Variants in GLIS3 observed in about 807,000 individuals in gnomAD.
The protein encoded by GLIS3 is GLIS family zinc finger 3.
GLIS3 carries 53 observed loss-of-function variants against 78.6 expected under a neutral mutation model. The ratio of observed to expected loss-of-function variants is 0.67; its 90% confidence interval spans 0.54 to 0.85. The LOEUF is 0.85. Ranked by LOEUF, GLIS3 falls within the 40% of genes least tolerant of loss-of-function variation. The pLI is 0.00. For synonymous variants in GLIS3, 684 were observed against 509.9 expected (o/e 1.34, Z -4.60); for missense variants, 1,703 against 1,231.1 (o/e 1.38, Z -5.74).
chr9:4,236,995 C>A (rs1265308985), intron 2 of GLIS3, among the ~76,000 whole-genome samples: 1 of 152,098 alleles, frequency 6.6e-6, no homozygotes, highest in African/African-American at 2.4e-5. Flanking sequence ...GGGAATCCTT[C>A]ACTCTGTAGC....
intron 2 of GLIS3, among the ~76,000 whole-genome samples, chr9:4,253,600 T>A (rs1824610746): frequency 6.6e-6 from 1 of 152,188 alleles, no homozygotes; most frequent in Non-Finnish European, 1.5e-5. Flanking sequence ...TTCAGCCCCC[T>A]TTCCAGGTGA....
At chr9:4,298,610 G>A (rs1426496173) in intron 1 of GLIS3, 7 of 234,650 alleles carry the variant, frequency 3.0e-5, no homozygotes, top group African/African-American at 4.7e-5. Flanking sequence ...AGGGACTGGA[G>A]CCGCGCGCAG....
At chr9:4,394,704 T>C in the GLIS3 span, among the ~76,000 whole-genome samples, 1 of 152,338 alleles carries the variant, frequency 6.6e-6, no homozygotes, top group Admixed American at 6.5e-5. Flanking sequence ...GAAAACCTAA[T>C]TTTGCACATC....
the GLIS3 span, among the ~76,000 whole-genome samples, chr9:4,388,545 G>A: frequency 5.3e-5 from 8 of 151,970 alleles, no homozygotes; most frequent in African/African-American, 1.2e-4. Flanking sequence ...GCGTGGTGGC[G>A]TGTGCCTGTA....
At chr9:4,210,186 G>A (rs1416382567) in intron 2 of GLIS3, among the ~76,000 whole-genome samples, 1 of 152,158 alleles carries the variant, frequency 6.6e-6, no homozygotes, top group African/African-American at 2.4e-5. Context: ...TCCAGTAATA[G>A]AAGCCCCAAA....
intron 2 of GLIS3, among the ~76,000 whole-genome samples, chr9:4,272,188 G>C (rs548982049): frequency 2.0e-5 from 3 of 152,210 alleles, no homozygotes; most frequent in African/African-American, 7.2e-5. Flanking sequence ...TAAGCAAGTT[G>C]CGAATGGCAC....
chr9:4,003,945 G>A (rs1821331113), intron 4 of GLIS3, among the ~76,000 whole-genome samples: 1 of 152,138 alleles, frequency 6.6e-6, no homozygotes, highest in African/African-American at 2.4e-5. Context: ...TTTTTCATTA[G>A]TACATTCCAC....
intron 2 of GLIS3, among the ~76,000 whole-genome samples, chr9:4,226,698 G>C (rs377180732): frequency 1.3e-5 from 2 of 152,204 alleles, no homozygotes; most frequent in Non-Finnish European, 2.9e-5. Context: ...CCTTATCTGT[G>C]TGACCTTAGG....
At chr9:3,883,309 A>G (rs1228597631) in intron 7 of GLIS3, among the ~76,000 whole-genome samples, 6 of 152,102 alleles carry the variant, frequency 3.9e-5, no homozygotes, top group Non-Finnish European at 5.9e-5. Flanking sequence ...TCCAAACACA[A>G]TTTTCCAGCA....
intron 2 of GLIS3, among the ~76,000 whole-genome samples, chr9:4,126,212 T>C (rs966207277): frequency 2.6e-5 from 4 of 152,222 alleles, no homozygotes; most frequent in Non-Finnish European, 4.4e-5. Context: ...TTAAAAATCA[T>C]ATTTTATAAT....
chr9:4,372,467 C>A, the GLIS3 span, among the ~76,000 whole-genome samples: 2 of 151,200 alleles, frequency 1.3e-5, no homozygotes, highest in Non-Finnish European at 2.9e-5. Flanking sequence ...GCAAACCAAC[C>A]AGTCCAGAGT....
intron 6 of GLIS3, among the ~76,000 whole-genome samples, chr9:3,907,151 T>A (rs1412140315): frequency 6.6e-6 from 1 of 152,186 alleles, no homozygotes; most frequent in Non-Finnish European, 1.5e-5. Flanking sequence ...CTCCTGTGAT[T>A]GGACATGTGC....
chr9:4,437,997 G>A, the GLIS3 span, among the ~76,000 whole-genome samples: 2 of 152,102 alleles, frequency 1.3e-5, no homozygotes, highest in Non-Finnish European at 2.9e-5. Context: ...AGTTCTCAGG[G>A]AGTCAAAAGT....
At chr9:4,190,835 T>C (rs1328429200) in intron 2 of GLIS3, among the ~76,000 whole-genome samples, 2 of 152,230 alleles carry the variant, frequency 1.3e-5, no homozygotes, top group Admixed American at 6.5e-5. Context: ...AGCTGATCTC[T>C]TGGCAGAAAG....
intron 4 of GLIS3, among the ~76,000 whole-genome samples, chr9:4,061,749 T>C (rs567093547): frequency 1.3e-5 from 2 of 152,304 alleles, no homozygotes; most frequent in East Asian, 1.9e-4. Flanking sequence ...GAAATGTTTC[T>C]AAAGAAAAAA....
chr9:3,956,028 C>CCAAAAA (rs1491307787), intron 4 of GLIS3, among the ~76,000 whole-genome samples: 4 of 87,588 alleles, frequency 4.6e-5, no homozygotes, highest in Middle Eastern at 6.1e-3. Context: ...CCAGATTCAG[C>CCAAAAA]AAAAAAAAAA....
intron 2 of GLIS3, among the ~76,000 whole-genome samples, chr9:4,212,019 G>A (rs367961498): frequency 6.6e-6 from 1 of 152,186 alleles, no homozygotes; most frequent in East Asian, 1.9e-4. Context: ...GGCTGGGAGT[G>A]GGAAAGAGGA....
chr9:4,028,271 G>A (rs1393009482), intron 4 of GLIS3, among the ~76,000 whole-genome samples: 2 of 152,120 alleles, frequency 1.3e-5, no homozygotes, highest in African/African-American at 2.4e-5. Context: ...TCGCAGGACT[G>A]CTGTGAAGAT....
Position 4,092,900 on chromosome 9 carries a change from A to AC in GLIS3, c.1710+24867dup, listed in dbSNP as rs1442336472. ...ATAACTATATGTGCTTTATTTTTAT[A>AC]CAACTGGCAGTGACATAGGTTTGTT... On this transcript the variant is annotated intron_variant, in intron 4 of 10. Transcript: ENST00000381971. 9.8e-5 allele frequency among the ~76,000 whole-genome samples: 15 copies of AC among 152,348 alleles called. No individual in the cohort carries two copies. In the East Asian group the frequency reaches 2.9e-3, roughly 29 times the overall value.
Sources: gnomAD v4.1 joint callset for allele counts (sites outside exome capture counted in the v4.1 genomes callset) on GRCh38, gnomAD v4.1.1 for gene constraint, MANE v1.5 for transcripts, NCBI Gene and HGNC (gene_info 2026-07-23, HGNC 2026-07-21) for gene names.